Variants in MEGF8 observed in about 807,000 individuals in gnomAD.
The protein encoded by MEGF8 is multiple EGF like domains 8.
Under a neutral mutation model 302.9 loss-of-function variants are expected in MEGF8, and 156 were observed. The ratio of observed to expected loss-of-function variants is 0.52; its 90% CI spans 0.45 to 0.59. The LOEUF (loss-of-function observed/expected upper bound fraction) is 0.59. Ranked by LOEUF, MEGF8 falls within the 20% of genes least tolerant of loss-of-function variation. The pLI is 0.00. For missense variants in MEGF8, 3,345 were observed against 3,964.5 expected (o/e 0.84, Z 4.20); for synonymous variants, 1,621 against 1,660.5 (o/e 0.98, Z 0.58).
In MEGF8 at chr19:42,350,177, C is replaced by T. The variant is rs748013884; in HGVS notation, c.2529C>T (p.Tyr843=). 6.2e-7 allele frequency: 1 copy of T among 1,613,286 alleles called. No individual in the cohort carries two copies. The highest frequency in any genetic ancestry group is 8.5e-7 in the Non-Finnish European group (1 of 1,179,468). ...TCTCCTTCTTCTTCCTGGAGCCCTA[C>T]CGCTCGTCGTCCTGCACCTCCTATT... is the stretch of plus-strand genomic sequence containing the variant. The part of the protein sequence containing the change: ...SEISFFFLEP[Y]RSSSCTSYSS... Residue 843 remains tyrosine, a synonymous_variant, in exon 15 of 42, where the codon TAC becomes TAT. Coordinates refer to ENST00000251268, the MANE Select transcript of MEGF8 (RefSeq NM_001271938.2).
chr19:42,336,465 T>C lies in MEGF8; in HGVS notation c.1244+119T>C, dbSNP rs990628051. 4 of 1,020,056 alleles carry C rather than the reference T, an allele frequency of 3.9e-6. No homozygotes were observed. Among genetic ancestry groups the C allele is most frequent in the Middle Eastern group, 2.3e-4 (1 of 4,342 alleles). The allele number at this position is 1,020,056 out of a possible 1,614,324, so 63.2% of individuals were successfully genotyped here. A position where few individuals can be genotyped will look rare whatever the true frequency, so the allele number is the denominator to read the frequency against. ...ACTCCTGTGGTCTCTCAGTCACTCC[T>C]TCCTTCATGTATTTACTTATTCCTT... On this transcript the variant is annotated intron_variant, in intron 6 of 41. Transcript: ENST00000251268. This position sits in a 1 kb window ranked among gnomAD's most constrained non-coding sequence, Gnocchi z 4.8.
chr19:42,356,343 C>T lies in MEGF8; in HGVS notation c.4512C>T (p.Ala1504=), dbSNP rs756649655. The part of the protein sequence containing the change: ...LMDSRLSADT[A]SRFLHRLGHT... ...TCCGCACCCACCCCTAGGACACTGC[C>T]AGCCGCTTCCTGCACCGCCTGGGCC... The change falls in exon 26 of 42, where the codon GCC becomes GCT. Residue 1504 remains alanine (A), a synonymous_variant. Transcript: ENST00000251268. This position sits in a 1 kb window ranked among gnomAD's most constrained non-coding sequence, Gnocchi z 5.2. 6.6e-5 allele frequency: 107 copies of T among 1,612,174 alleles called. No homozygotes were observed. Among genetic ancestry groups the T allele is most frequent in the African/African-American group, 1.3e-5 (1 of 74,882 alleles).
rs2039668978 is a variant in MEGF8, at chr19:42,370,403, C to T, written c.7005+44C>T. ...ATGCCTGGGTCTGAGGGAGGAGGGG[C>T]TGGGGAGCTCCTGGGTCTGAGGGAG... On this transcript the variant is annotated intron_variant, in intron 39 of 41. Coordinates refer to ENST00000251268, the MANE Select transcript of MEGF8 (RefSeq NM_001271938.2). 2.0e-6 allele frequency: 3 copies of T among 1,489,290 alleles called. No homozygotes were observed. The Admixed American group carries it at 6.0e-5, about 30-fold the overall frequency. 92.3% of individuals were successfully genotyped at this position (1,489,290 alleles called of 1,614,324 possible).
chr19:42,337,134 ATCT>A lies in MEGF8; in HGVS notation c.1448_1450del (p.Phe483del). 6.2e-7 allele frequency: 1 copy of A among 1,614,004 alleles called. No individual in the cohort carries two copies. Reference sequence around the variant, plus strand: ...GGAGGAAAAGTGCTACGAAGATGGCATCTTCTTCTACCACCTTGGCTGCCATCA... The same window carrying A: ...GGAGGAAAAGTGCTACGAAGATGGCATCTTCTACCACCTTGGCTGCCATCA... On this transcript the variant is annotated inframe_deletion, in exon 8 of 42. Transcript: ENST00000251268.
In MEGF8 at chr19:42,353,283, G is replaced by A. The variant is rs2039402986; in HGVS notation, c.3550+156G>A. Among the ~76,000 whole-genome samples, 2 of 152,206 alleles carry A rather than the reference G, an allele frequency of 1.3e-5. No individual in the cohort carries two copies. Among genetic ancestry groups the A allele is most frequent in the South Asian group, 2.1e-4 (1 of 4,830 alleles). ...GTTCCTGACTCAAACAGGTTTCAGT[G>A]CCACCCGTCACTCTGGTTGGGCTTC... On this transcript the variant is annotated intron_variant, in intron 20 of 41. Transcript: ENST00000251268. This position sits in a 1 kb window ranked among gnomAD's most constrained non-coding sequence, Gnocchi z 6.1.
Position 42,344,052 on chromosome 19 carries a change from T to C in MEGF8, c.1767T>C (p.Pro589=). The change falls in exon 10 of 42, where the codon CCT becomes CCC. Residue 589 remains proline, a synonymous_variant. Transcript: ENST00000251268. The surrounding 1 kb of genome is among the most constrained non-coding windows in gnomAD (Gnocchi z 4.5). Reference sequence around the variant, plus strand: ...AAGGAGCCTGCCAAGCTGCACCCCCTCCTGGGACCCCCTTGGGGGCTGTGA... The same window carrying C: ...AAGGAGCCTGCCAAGCTGCACCCCCCCCTGGGACCCCCTTGGGGGCTGTGA... ...WCQGACQAAP[P]PGTPLGACPA... 6.2e-7 allele frequency: 1 copy of C among 1,613,572 alleles called. No individual in the cohort carries two copies. Among genetic ancestry groups the C allele is most frequent in the South Asian group, 1.1e-5 (1 of 91,078 alleles).
At chr19:42,370,082 C>G (rs1025188617) in intron 38 of MEGF8, 107 bp from the exon 39 acceptor site, 8 of 1,265,250 alleles carry the variant, frequency 6.3e-6, no homozygotes, top group Non-Finnish European at 3.3e-6. Context: ...GTACCCGAGC[C>G]TCTGCTGCCC....
intron 35 of MEGF8, among the ~76,000 whole-genome samples, chr19:42,367,168 T>C (rs916850737): frequency 5.3e-5 from 8 of 152,212 alleles, no homozygotes; most frequent in Non-Finnish European, 1.0e-4. Flanking sequence ...GACATACAAA[T>C]ATGGCTTGTG....
chr19:42,348,195 A>G, intron 12 of MEGF8, 77 bp from the exon 13 acceptor site: 1 of 1,339,036 alleles, frequency 7.5e-7, no homozygotes, highest in Non-Finnish European at 1.0e-6. Context: ...GGTTGGGTTG[A>G]CCAGTCTTTT....
intron 8 of MEGF8, among the ~76,000 whole-genome samples, chr19:42,339,581 T>G (rs1349389365): frequency 6.6e-6 from 1 of 152,222 alleles, no homozygotes; most frequent in Non-Finnish European, 1.5e-5. Context: ...GCTTGTTAGT[T>G]TATTTAAGTT....
intron 14 of MEGF8, 98 bp downstream of exon 14, chr19:42,349,797 G>C: frequency 1.5e-6 from 2 of 1,317,722 alleles, no homozygotes; most frequent in Admixed American, 1.9e-5. Flanking sequence ...GAAATCCCTA[G>C]ATTCTGGCCT....
At chr19:42,372,438 G>A (rs1390112608) in intron 41 of MEGF8, among the ~76,000 whole-genome samples, 1 of 152,022 alleles carries the variant, frequency 6.6e-6, no homozygotes, top group Non-Finnish European at 1.5e-5. Context: ...GATGTCCCAG[G>A]CTCCTTCCTC....
chr19:42,335,965 C>T lies in MEGF8; in HGVS notation c.863C>T (p.Ala288Val). ...CACTCCCATGTGGCCGTGGCCTGGG[C>T]CGGCTCCCTGGTACTGATGGGTGGT... ...ARHSHVAVAWAGSLVLMGGEL... is the reference protein window; with the variant it reads ...ARHSHVAVAWVGSLVLMGGEL... The change falls in exon 6 of 42, where the codon GCC (alanine) becomes GTC (valine). Residue 288 changes from alanine to valine, a missense_variant. Coordinates refer to ENST00000251268, the MANE Select transcript of MEGF8 (RefSeq NM_001271938.2). 3 of 1,505,460 alleles carry T rather than the reference C, an allele frequency of 2.0e-6. No homozygotes were observed. The highest frequency in any genetic ancestry group is 1.4e-5 in the African/African-American group (1 of 72,262). The allele number at this position is 1,505,460 out of a possible 1,614,324, so 93.3% of individuals were successfully genotyped here. A position where few individuals can be genotyped will look rare whatever the true frequency, so the allele number is the denominator to read the frequency against.
rs186192834 is a variant in MEGF8 at position 42,355,077 on chromosome 19, C to T, written c.4144+357C>T. The stretch of plus-strand genomic sequence containing the variant: ...GCTCCAGCGATTCTCCTGCCTCAGC[C>T]TCCCGAGTAGCTGGGATTACAGGCG... On this transcript the variant is annotated intron_variant, in intron 23 of 41. Coordinates refer to ENST00000251268, the MANE Select transcript of MEGF8 (RefSeq NM_001271938.2). Among the ~76,000 whole-genome samples the T allele has an allele frequency of 2.8e-4, 42 of 152,264 alleles. 1 individual carries two copies. In the East Asian group the frequency reaches 7.5e-3, roughly 27 times the overall value.
intron 1 of MEGF8, among the ~76,000 whole-genome samples, chr19:42,331,920 G>A (rs533395617): frequency 2.7e-5 from 4 of 147,450 alleles, no homozygotes; most frequent in African/African-American, 1.0e-4. Flanking sequence ...GTGCAGTGGT[G>A]CAATCTTGGC....
intron 8 of MEGF8, among the ~76,000 whole-genome samples, chr19:42,341,812 A>G (rs2039218864): frequency 6.6e-6 from 1 of 152,164 alleles, no homozygotes; most frequent in African/African-American, 2.4e-5. Context: ...GGGAGGAGAT[A>G]TGGAGAAACC....
chr19:42,375,637 G>C lies in MEGF8; in HGVS notation c.7400G>C (p.Arg2467Pro). 1 of 1,608,866 alleles carries C rather than the reference G, an allele frequency of 6.2e-7. No homozygotes were observed. The highest frequency in any genetic ancestry group is 1.3e-5 in the African/African-American group (1 of 74,938). ...ACCAACTGCTTCCATGAGCCCAAAC[G>C]CCGGGCGCTAGGCCCCGGCCGCACT... The part of the protein sequence containing the change: ...SQTNCFHEPK[R>P]RALGPGRTVL... The change falls in exon 42 of 42, where the codon CGC (arginine) becomes CCC (proline). Residue 2467 changes from arginine to proline, a missense_variant. Physicochemically the swap from Arg to Pro is moderately radical, Grantham distance 103. Transcript: ENST00000251268. The surrounding 1 kb of genome is among the most constrained non-coding windows in gnomAD (Gnocchi z 7.1).
At position 42,363,196 on chromosome 19, in the gene MEGF8, C is replaced by T. The variant is rs1333609342; in HGVS notation, c.6207C>T (p.Ser2069=). Residue 2069 remains serine, a synonymous_variant, in exon 35 of 42, where the codon TCC becomes TCT. Transcript: ENST00000251268. ...GTCACCTCCTACCCAACTGTACCTCCTGCCTGGACTCTAAGGGAGCAGATG... is the reference window on the plus strand; with the variant it reads ...GTCACCTCCTACCCAACTGTACCTCTTGCCTGGACTCTAAGGGAGCAGATG... ...TPCHLLPNCT[S]CLDSKGADGG... 6.8e-6 allele frequency: 11 copies of T among 1,611,900 alleles called. No homozygotes were observed. The highest frequency in any genetic ancestry group is 2.2e-5 in the East Asian group (1 of 44,848).
In MEGF8 at chr19:42,356,558, C is replaced by T; in HGVS notation, c.4622+105C>T. The T allele has an allele frequency of 1.9e-6, 2 of 1,033,776 alleles. No individual in the cohort carries two copies. The highest frequency in any genetic ancestry group is 2.8e-6 in the Non-Finnish European group (2 of 726,534). The allele number at this position is 1,033,776 out of a possible 1,614,324, so 64.0% of individuals were successfully genotyped here. A position where few individuals can be genotyped will look rare whatever the true frequency, so the allele number is the denominator to read the frequency against. On this transcript the variant is annotated intron_variant, in intron 26 of 41. Coordinates refer to ENST00000251268, the MANE Select transcript of MEGF8 (RefSeq NM_001271938.2). This position sits in a 1 kb window ranked among gnomAD's most constrained non-coding sequence, Gnocchi z 5.2. ...GCAGAAAAGCCTCTAAGGTAAAGGA[C>T]AGCCCAAAGGATGCTGGGACACTTG... is the stretch of plus-strand genomic sequence containing the variant.
Sources: allele counts gnomAD v4.1 joint callset (sites outside exome capture counted in the v4.1 genomes callset), GRCh38; gene constraint gnomAD v4.1.1; non-coding constraint Gnocchi (gnomAD v3.1); transcripts MANE v1.5; gene names NCBI Gene and HGNC (gene_info 2026-07-23, HGNC 2026-07-21).